Variants in TNS3 observed in about 807,000 individuals in gnomAD.
The protein encoded by TNS3 is tensin-3.
TNS3 carries 45 observed loss-of-function variants against 140.9 expected under a neutral mutation model. The observed-to-expected ratio is 0.32, with a 90% CI of 0.25 to 0.41. TNS3 has a LOEUF of 0.41. Ranked by LOEUF, TNS3 falls within the 10% of genes least tolerant of loss-of-function variation. The pLI is 1.00. For synonymous variants in TNS3, 815 were observed against 788.4 expected (o/e 1.03, Z -0.56); for missense variants, 1,716 against 1,906.7 (o/e 0.90, Z 1.86).
rs776024215 is a variant in TNS3, at chr7:47,303,585, C to T, written c.2823-1G>A. ...CCACTGGCGTTCTGCAGAAGAGGAG[C>T]TGTTCAAAAGACAAGCCGACCAAGA... On this transcript the variant is annotated splice_acceptor_variant, in intron 21 of 30. Coordinates refer to ENST00000311160, the MANE Select transcript of TNS3 (RefSeq NM_022748.12). LOFTEE classifies it high-confidence loss of function. 1 of 1,586,160 alleles carries T rather than the reference C, an allele frequency of 6.3e-7. No individual in the cohort carries two copies.
At chr7:47,338,115 T>C (rs1788736958) in intron 20 of TNS3, among the ~76,000 whole-genome samples, 1 of 152,210 alleles carries the variant, frequency 6.6e-6, no homozygotes, top group Admixed American at 6.5e-5. Context: ...ACTGGCCTGT[T>C]GAAGGACATC....
chr7:47,490,827 T>A (rs1439072544), intron 3 of TNS3, among the ~76,000 whole-genome samples: 1 of 151,902 alleles, frequency 6.6e-6, no homozygotes, highest in Non-Finnish European at 1.5e-5. Context: ...AGCCACTGAG[T>A]GTACAGGGGA....
chr7:47,427,993 T>G (rs1261594629), intron 9 of TNS3, among the ~76,000 whole-genome samples: 1 of 152,212 alleles, frequency 6.6e-6, no homozygotes, highest in Non-Finnish European at 1.5e-5. Flanking sequence ...ATGGTGACTT[T>G]TATCTCTGTT....
At chr7:47,394,190 G>A (rs1421772254) in intron 16 of TNS3, among the ~76,000 whole-genome samples, 1 of 152,218 alleles carries the variant, frequency 6.6e-6, no homozygotes, top group African/African-American at 2.4e-5. Context: ...TATCTGCTAT[G>A]GACTGAATAT....
Position 47,275,727 on chromosome 7 carries a change from G to A in TNS3, c.*2349C>T. ...TGCTTCCTTTGGTTCCTCAGAGGGA[G>A]CTATCTGCTTGGAGCAAATTCCCCG... On this transcript the variant is annotated 3_prime_UTR_variant, in exon 31 of 31. Transcript: ENST00000311160. The A allele has an allele frequency of 2.2e-6, 1 of 447,332 alleles. No homozygotes were observed. Among genetic ancestry groups the A allele is most frequent in the South Asian group, 1.6e-5 (1 of 63,940 alleles). 27.7% of individuals were successfully genotyped at this position (447,332 alleles called of 1,614,324 possible).
chr7:47,414,039 C>T, intron 11 of TNS3, 42 bp from the exon 12 acceptor site: 3 of 1,600,826 alleles, frequency 1.9e-6, no homozygotes, highest in Non-Finnish European at 2.6e-6. Context: ...ATGACCGGTA[C>T]AGAACGAACA....
intron 1 of TNS3, among the ~76,000 whole-genome samples, chr7:47,533,123 A>ATATATATATATATAT (rs1186427934): frequency 1.1e-5 from 1 of 88,818 alleles, no homozygotes; most frequent in African/African-American, 6.2e-5. Flanking sequence ...ATATATATAT[A>ATATATATATATATAT]TTTTTTTTTT....
chr7:47,430,740 T>A (rs62446320), intron 8 of TNS3, among the ~76,000 whole-genome samples: 1 of 146,662 alleles, frequency 6.8e-6, no homozygotes, highest in Non-Finnish European at 1.5e-5. Context: ...TTTTTTTTTT[T>A]AATGGAGTCT....
intron 4 of TNS3, among the ~76,000 whole-genome samples, chr7:47,471,774 G>A (rs191792173): frequency 9.8e-4 from 149 of 152,308 alleles, no homozygotes; most frequent in African/African-American, 3.3e-3. Flanking sequence ...CCAGCTCCTC[G>A]CGGCCCATGT....
chr7:47,316,657 C>G (rs955164622), intron 20 of TNS3, among the ~76,000 whole-genome samples: 2 of 150,500 alleles, frequency 1.3e-5, no homozygotes, highest in Non-Finnish European at 3.0e-5. Flanking sequence ...TGTGAAACAC[C>G]GTCTCTATTC....
chr7:47,412,120 G>A (rs1352351889), intron 12 of TNS3, among the ~76,000 whole-genome samples: 1 of 152,212 alleles, frequency 6.6e-6, no homozygotes, highest in East Asian at 1.9e-4. Context: ...CACAGTTTCA[G>A]TTACAAACTG....
chr7:47,564,632 T>C (rs1800385907), intron 1 of TNS3, among the ~76,000 whole-genome samples: 1 of 29,050 alleles, frequency 3.4e-5, no homozygotes, highest in African/African-American at 1.1e-4. Context: ...CAAGACTCCG[T>C]CTCAAAAAAA....
At chr7:47,549,283 G>A (rs946033172) in intron 1 of TNS3, among the ~76,000 whole-genome samples, 2 of 152,150 alleles carry the variant, frequency 1.3e-5, no homozygotes, top group Admixed American at 6.5e-5. Context: ...ACGAGGTCAG[G>A]AGATTGAGAC....
At chr7:47,453,696 A>T (rs566924969) in intron 4 of TNS3, among the ~76,000 whole-genome samples, 1 of 152,366 alleles carries the variant, frequency 6.6e-6, no homozygotes, top group African/African-American at 2.4e-5. Context: ...ATGCAGCGAA[A>T]CCTCAGTTAT....
chr7:47,545,029 G>A (rs944322099), intron 1 of TNS3, among the ~76,000 whole-genome samples: 4 of 151,950 alleles, frequency 2.6e-5, no homozygotes, highest in Admixed American at 1.3e-4. Flanking sequence ...TAAAAACGGA[G>A]AGAGGTATGT....
At chr7:47,465,213 G>A (rs571735470) in intron 4 of TNS3, among the ~76,000 whole-genome samples, 18 of 152,324 alleles carry the variant, frequency 1.2e-4, no homozygotes, top group African/African-American at 2.4e-4. Context: ...GGTTTTCAGC[G>A]AAACATTTCA....
At chr7:47,575,695 C>T (rs372512333) in intron 1 of TNS3, among the ~76,000 whole-genome samples, 3,418 of 151,500 alleles carry the variant, frequency 0.023, 125 homozygotes, top group African/African-American at 0.078. Context: ...TAGTGGCAGG[C>T]GCCTGTAGTC....
intron 4 of TNS3, among the ~76,000 whole-genome samples, chr7:47,459,970 T>A (rs1157541791): frequency 6.6e-6 from 1 of 152,002 alleles, no homozygotes; most frequent in Non-Finnish European, 1.5e-5. Context: ...ACCATTAGGG[T>A]GGCCCTAATC....
At chr7:47,549,275 G>A (rs913286421) in intron 1 of TNS3, among the ~76,000 whole-genome samples, 6 of 152,102 alleles carry the variant, frequency 3.9e-5, no homozygotes, top group African/African-American at 1.4e-4. Flanking sequence ...GGCAGGTCAC[G>A]AGGTCAGGAG....
Sources: gnomAD v4.1 joint callset for allele counts (sites outside exome capture counted in the v4.1 genomes callset) on GRCh38, gnomAD v4.1.1 for gene constraint, MANE v1.5 for transcripts, NCBI Gene and HGNC (gene_info 2026-07-23, HGNC 2026-07-21) for gene names.